KCNIP4: variants seen among roughly 807,000 people sequenced by gnomAD.
KCNIP4 encodes the protein Kv channel-interacting protein 4.
KCNIP4 carries 12 observed loss-of-function variants against 34.0 expected under a neutral mutation model. That is an observed-to-expected ratio of 0.35 (90% CI 0.23 to 0.57). KCNIP4 has a LOEUF of 0.57. Ranked by LOEUF, KCNIP4 falls within the 20% of genes least tolerant of loss-of-function variation. The pLI is 0.83. For missense variants in KCNIP4, 238 were observed against 311.7 expected (o/e 0.76, Z 1.78); for synonymous variants, 124 against 102.2 (o/e 1.21, Z -1.29).
At chr4:21,006,174 T>G (rs1211732726) in intron 1 of KCNIP4, among the ~76,000 whole-genome samples, 1 of 152,184 alleles carries the variant, frequency 6.6e-6, no homozygotes, top group Non-Finnish European at 1.5e-5. Context: ...GGCACTATGC[T>G]GGGTCCTGAT....
At chr4:21,293,861 T>C (rs1244276813) in intron 1 of KCNIP4, among the ~76,000 whole-genome samples, 1 of 152,202 alleles carries the variant, frequency 6.6e-6, no homozygotes, top group Non-Finnish European at 1.5e-5. Context: ...TGTAGCTTAA[T>C]CTTCATTTAC....
chr4:21,370,840 TATATATATATACACACAC>T (rs1438955521), intron 1 of KCNIP4, among the ~76,000 whole-genome samples: 62 of 28,392 alleles, frequency 2.2e-3, no homozygotes, highest in Non-Finnish European at 3.1e-3. Context: ...TATATATATA[TATATATATATACACACAC>T]ACACACACAC....
At chr4:21,798,136 A>G (rs552742587) in intron 1 of KCNIP4, among the ~76,000 whole-genome samples, 1 of 151,764 alleles carries the variant, frequency 6.6e-6, no homozygotes, top group African/African-American at 2.4e-5. Context: ...AAAAAAAAAT[A>G]CGTACACACA....
intron 1 of KCNIP4, among the ~76,000 whole-genome samples, chr4:21,186,195 C>A (rs141985208): frequency 6.6e-6 from 1 of 152,234 alleles, no homozygotes; most frequent in South Asian, 2.1e-4. Context: ...ATTTTAAGAA[C>A]TTTCTGCTCA....
intron 1 of KCNIP4, among the ~76,000 whole-genome samples, chr4:21,004,362 G>GATGA (rs1738381413): frequency 6.6e-6 from 1 of 152,218 alleles, no homozygotes; most frequent in Non-Finnish European, 1.5e-5. Context: ...TTGGACAACT[G>GATGA]ATGAATGGTG....
At chr4:21,254,975 T>G (rs1760966104) in intron 1 of KCNIP4, among the ~76,000 whole-genome samples, 1 of 152,188 alleles carries the variant, frequency 6.6e-6, no homozygotes, top group Non-Finnish European at 1.5e-5. Flanking sequence ...GATGAACCAC[T>G]ATTTTCAATC....
intron 1 of KCNIP4, among the ~76,000 whole-genome samples, chr4:21,892,640 T>C (rs1243928869): frequency 6.6e-6 from 1 of 151,730 alleles, no homozygotes; most frequent in African/African-American, 2.4e-5. Context: ...AGGTGATCAC[T>C]TAACCTCTAT....
At chr4:20,891,632 C>T (rs1256208286) in intron 1 of KCNIP4, among the ~76,000 whole-genome samples, 5 of 151,906 alleles carry the variant, frequency 3.3e-5, no homozygotes, top group Admixed American at 6.6e-5. Flanking sequence ...AAATAAAAAT[C>T]ACCAGGAGTT....
intron 1 of KCNIP4, among the ~76,000 whole-genome samples, chr4:21,357,211 C>A (rs1342574811): frequency 2.0e-5 from 3 of 152,126 alleles, no homozygotes; most frequent in Non-Finnish European, 2.9e-5. Context: ...ACCATAAAAA[C>A]CCTAGAAGAA....
chr4:20,898,823 G>A (rs762650552), intron 1 of KCNIP4, among the ~76,000 whole-genome samples: 3 of 151,826 alleles, frequency 2.0e-5, no homozygotes, highest in Non-Finnish European at 4.4e-5. Context: ...TTCTCAATGC[G>A]ACTACCAATT....
intron 1 of KCNIP4, among the ~76,000 whole-genome samples, chr4:21,537,149 T>C (rs960701778): frequency 2.0e-5 from 3 of 152,176 alleles, no homozygotes; most frequent in Non-Finnish European, 2.9e-5. Context: ...GCACCACACA[T>C]TGGGGGCTGA....
At chr4:21,596,657 CT>C (rs1560547028) in intron 1 of KCNIP4, among the ~76,000 whole-genome samples, 1 of 152,082 alleles carries the variant, frequency 6.6e-6, no homozygotes, top group Non-Finnish European at 1.5e-5. Flanking sequence ...AAGAAAGAAG[CT>C]TTTGTTATTG....
intron 1 of KCNIP4, among the ~76,000 whole-genome samples, chr4:21,655,632 A>T (rs1747859894): frequency 6.6e-6 from 1 of 152,194 alleles, no homozygotes; most frequent in African/African-American, 2.4e-5. Flanking sequence ...ATATTTTCCA[A>T]AACATATATC....
intron 1 of KCNIP4, among the ~76,000 whole-genome samples, chr4:21,774,015 G>C (rs977429937): frequency 1.1e-4 from 16 of 152,102 alleles, no homozygotes; most frequent in African/African-American, 3.9e-4. Flanking sequence ...ACTAGCTGAT[G>C]CAGTTTCTTC....
At chr4:21,221,509 G>A (rs1471982841) in intron 1 of KCNIP4, among the ~76,000 whole-genome samples, 1 of 152,056 alleles carries the variant, frequency 6.6e-6, no homozygotes, top group South Asian at 2.1e-4. Flanking sequence ...AGAGGGGAGA[G>A]CCCCTTATAA....
In KCNIP4 at chr4:21,422,627, G is replaced by A. The variant is rs932765872; in HGVS notation, c.61+525944C>T. On this transcript the variant is annotated intron_variant, in intron 1 of 8. Transcript: ENST00000382152. ...AAGCAAGGATGGTCACAACATTGAA[G>A]TAGTTGGGGGAAACATCGTTTATGT... is the stretch of plus-strand genomic sequence containing the variant. 2.6e-5 allele frequency among the ~76,000 whole-genome samples: 4 copies of A among 151,604 alleles called. No individual in the cohort carries two copies. In the South Asian group the frequency reaches 8.4e-4, roughly 32 times the overall value.
chr4:21,618,262 G>A (rs1434967780), intron 1 of KCNIP4, among the ~76,000 whole-genome samples: 2 of 152,048 alleles, frequency 1.3e-5, no homozygotes, highest in African/African-American at 4.8e-5. Context: ...AGCTCTTCAA[G>A]CCTGTGATTT....
chr4:21,155,225 A>C (rs566691898), intron 1 of KCNIP4, among the ~76,000 whole-genome samples: 1 of 152,258 alleles, frequency 6.6e-6, no homozygotes, highest in South Asian at 2.1e-4. Flanking sequence ...AGAGAAATTA[A>C]TATCCATCGG....
At chr4:21,578,127 C>A (rs1740888878) in intron 1 of KCNIP4, among the ~76,000 whole-genome samples, 1 of 151,982 alleles carries the variant, frequency 6.6e-6, no homozygotes, top group African/African-American at 2.4e-5. Flanking sequence ...CGAAGTCAGG[C>A]ATTCAAGACC....
Sources: gnomAD v4.1 joint callset for allele counts (sites outside exome capture counted in the v4.1 genomes callset) on GRCh38, gnomAD v4.1.1 for gene constraint, MANE v1.5 for transcripts, NCBI Gene and HGNC (gene_info 2026-07-23, HGNC 2026-07-21) for gene names.